PTPRQ: variants seen among roughly 807,000 people sequenced by gnomAD.
PTPRQ encodes the protein protein tyrosine phosphatase receptor type Q.
Under a neutral mutation model 246.0 loss-of-function variants are expected in PTPRQ, and 199 were observed. That is an observed-to-expected ratio of 0.81 (90% confidence interval 0.72 to 0.91). The LOEUF (loss-of-function observed/expected upper bound fraction) is 0.91. Among genes scored for constraint, PTPRQ ranks in the 40% least tolerant of loss-of-function variants. PTPRQ has a pLI of 0.00. For synonymous variants in PTPRQ, 869 were observed against 853.2 expected (o/e 1.02, Z -0.32); for missense variants, 2,624 against 2,528.4 (o/e 1.04, Z -0.81).
At chr12:80,501,610 AG>A (rs1173564995) in intron 14 of PTPRQ, among the ~76,000 whole-genome samples, 1 of 151,994 alleles carries the variant, frequency 6.6e-6, no homozygotes, top group Non-Finnish European at 1.5e-5. Context: ...ACTGGACAAC[AG>A]GGGGAGACGT....
At chr12:80,517,432 G>A (rs1895338855) in intron 17 of PTPRQ, among the ~76,000 whole-genome samples, 1 of 151,976 alleles carries the variant, frequency 6.6e-6, no homozygotes, top group African/African-American at 2.4e-5. Flanking sequence ...TTTGATACAA[G>A]CGTGTAACAA....
chr12:80,605,110 G>T lies in PTPRQ; in HGVS notation c.4661G>T (p.Ser1554Ile), dbSNP rs1231771075. The part of the protein sequence containing the change: ...NVHVVATSPF[S>I]ISISWSEPAV... ...CATGTAGTAGCAACATCACCTTTTA[G>T]CATCAGCATAAGCTGGAGTGAACCT... Residue 1554 changes from serine (S) to isoleucine (I), a missense_variant, in exon 27 of 45, where the codon AGC becomes ATC. By Grantham distance (142) the Ser-to-Ile change is moderately radical (BLOSUM62 -2). Coordinates refer to ENST00000644991, the MANE Select transcript of PTPRQ (RefSeq NM_001145026.2). 3.2e-6 allele frequency: 5 copies of T among 1,545,358 alleles called. No homozygotes were observed. Among genetic ancestry groups the T allele is most frequent in the Non-Finnish European group, 4.4e-6 (5 of 1,143,216 alleles).
chr12:80,530,195 T>C (rs1197412769), intron 17 of PTPRQ, among the ~76,000 whole-genome samples: 1 of 152,214 alleles, frequency 6.6e-6, no homozygotes, highest in African/African-American at 2.4e-5. Flanking sequence ...ATTCTCTTTT[T>C]TTATACTGTG....
intron 4 of PTPRQ, among the ~76,000 whole-genome samples, chr12:80,458,424 T>C (rs976447978): frequency 2.6e-5 from 4 of 152,180 alleles, no homozygotes; most frequent in African/African-American, 7.2e-5. Flanking sequence ...CTAACTTTCT[T>C]ATGTAATTTA....
intron 4 of PTPRQ, among the ~76,000 whole-genome samples, chr12:80,458,194 C>T (rs888065414): frequency 3.9e-5 from 6 of 152,180 alleles, no homozygotes; most frequent in Non-Finnish European, 8.8e-5. Context: ...CTTGATGTCA[C>T]CTGTGGCTCT....
intron 8 of PTPRQ, among the ~76,000 whole-genome samples, chr12:80,473,888 C>T (rs1893730843): frequency 1.3e-5 from 2 of 152,224 alleles, no homozygotes; most frequent in South Asian, 4.1e-4. Flanking sequence ...CTGTTATCTT[C>T]CTGAGTCACT....
At chr12:80,466,498 A>G (rs1893419794) in intron 6 of PTPRQ, among the ~76,000 whole-genome samples, 1 of 152,336 alleles carries the variant, frequency 6.6e-6, no homozygotes, top group East Asian at 1.9e-4. Context: ...CAGAATTGGA[A>G]AAAACTACTT....
In PTPRQ at chr12:80,597,225, A is replaced by G. The variant is rs139190524; in HGVS notation, c.4610-7834A>G. On this transcript the variant is annotated intron_variant, in intron 26 of 44. Coordinates refer to ENST00000644991, the MANE Select transcript of PTPRQ (RefSeq NM_001145026.2). ...GATATCCTAGATATTTTTTACCCCAATTATGCCTGCATACAAATGAACAGG... is the reference window on the plus strand; with the variant it reads ...GATATCCTAGATATTTTTTACCCCAGTTATGCCTGCATACAAATGAACAGG... 1.7e-3 allele frequency among the ~76,000 whole-genome samples: 265 copies of G among 152,032 alleles called. 3 individuals are homozygous for G. The highest frequency in any genetic ancestry group is 6.2e-3 in the African/African-American group (259 of 41,520).
chr12:80,566,589 A>G (rs779048370), intron 25 of PTPRQ, among the ~76,000 whole-genome samples: 1 of 152,080 alleles, frequency 6.6e-6, no homozygotes, highest in Non-Finnish European at 1.5e-5. Flanking sequence ...CACAGGCTGG[A>G]TATGCAGTGG....
chr12:80,679,337 T>C lies in PTPRQ; in HGVS notation c.*314T>C, dbSNP rs1901246342. On this transcript the variant is annotated 3_prime_UTR_variant, in exon 45 of 45. Coordinates refer to ENST00000644991, the MANE Select transcript of PTPRQ (RefSeq NM_001145026.2). The stretch of plus-strand genomic sequence containing the variant: ...TTATTATTATATTAGCATTAATGTT[T>C]CAATGTGAATTTTCCCTATGTATTG... 5.1e-6 allele frequency: 1 copy of C among 197,972 alleles called. No individual in the cohort carries two copies. Among genetic ancestry groups the C allele is most frequent in the African/African-American group, 2.3e-5 (1 of 43,234 alleles). 12.3% of individuals were successfully genotyped at this position (197,972 alleles called of 1,614,324 possible). A position where few individuals can be genotyped will look rare whatever the true frequency, so the allele number is the denominator to read the frequency against.
chr12:80,466,543 T>C (rs371019422), intron 6 of PTPRQ, among the ~76,000 whole-genome samples: 1 of 152,208 alleles, frequency 6.6e-6, no homozygotes, highest in African/African-American at 2.4e-5. Flanking sequence ...GAGCCCGCAT[T>C]GCCAAGTCAA....
chr12:80,506,293 T>A, intron 15 of PTPRQ, 87 bp downstream of exon 15: 1 of 1,318,338 alleles, frequency 7.6e-7, no homozygotes, highest in Non-Finnish European at 1.0e-6. Flanking sequence ...AGTTTCAGAT[T>A]ATTTTCATGC....
intron 23 of PTPRQ, among the ~76,000 whole-genome samples, chr12:80,545,639 T>C (rs1386390706): frequency 6.6e-6 from 1 of 151,652 alleles, no homozygotes; most frequent in Non-Finnish European, 1.5e-5. Context: ...TACTCTTTTG[T>C]TCCTTTTCTC....
chr12:80,516,383 T>C (rs1487098713), intron 17 of PTPRQ, among the ~76,000 whole-genome samples: 1 of 152,214 alleles, frequency 6.6e-6, no homozygotes, highest in Non-Finnish European at 1.5e-5. Flanking sequence ...TCTGAAATGT[T>C]TCTCAATTTT....
intron 8 of PTPRQ, among the ~76,000 whole-genome samples, chr12:80,473,045 A>ACACACACGCG (rs1555185233): frequency 7.6e-4 from 70 of 92,336 alleles, no homozygotes; most frequent in African/African-American, 2.0e-3. Flanking sequence ...ACTCACACAC[A>ACACACACGCG]CGCACACACA....
chr12:80,479,156 C>G (rs1285667212), intron 8 of PTPRQ, among the ~76,000 whole-genome samples: 4 of 151,626 alleles, frequency 2.6e-5, no homozygotes, highest in African/African-American at 9.7e-5. Flanking sequence ...AAGGGAAGCC[C>G]ATCAGACTAA....
At position 80,445,731 on chromosome 12, in the gene PTPRQ, G is replaced by A. The variant is rs1892534169; in HGVS notation, c.390+14G>A. The stretch of plus-strand genomic sequence containing the variant: ...TATGAAATTAAGGTAATTATTTTGT[G>A]TATGACTACTTAGTGTTCAAACATT... On this transcript the variant is annotated intron_variant, in intron 3 of 44. Transcript: ENST00000644991. The A allele has an allele frequency of 7.0e-7, 1 of 1,437,392 alleles. No homozygotes were observed. The highest frequency in any genetic ancestry group is 1.2e-5 in the South Asian group (1 of 81,602). The allele number at this position is 1,437,392 out of a possible 1,614,324, so 89.0% of individuals were successfully genotyped here. A position where few individuals can be genotyped will look rare whatever the true frequency, so the allele number is the denominator to read the frequency against.
chr12:80,472,215 C>G lies in PTPRQ; in HGVS notation c.1150C>G (p.Pro384Ala), dbSNP rs1223179419. 1.3e-6 allele frequency: 2 copies of G among 1,551,258 alleles called. No individual in the cohort carries two copies. The highest frequency in any genetic ancestry group is 1.7e-6 in the Non-Finnish European group (2 of 1,146,824). ...IAAETSAGTG[P>A]KSNISVFTPP... ...GGCTGAAACCAGTGCAGGGACTGGG[C>G]CCAAGTCAAATATTTCAGTATTCAC... The change falls in exon 8 of 45, where the codon CCC (proline) becomes GCC (alanine). Residue 384 changes from proline to alanine, a missense_variant. Pro to Ala is a conservative substitution (Grantham distance 27, BLOSUM62 -1). Transcript: ENST00000644991.
At chr12:80,527,221 G>A (rs1200853742) in intron 17 of PTPRQ, among the ~76,000 whole-genome samples, 2 of 151,950 alleles carry the variant, frequency 1.3e-5, no homozygotes, top group African/African-American at 4.8e-5. Flanking sequence ...AAAATTTCCA[G>A]TAGAAAAATG....
Sources: allele counts gnomAD v4.1 joint callset (sites outside exome capture counted in the v4.1 genomes callset), GRCh38; gene constraint gnomAD v4.1.1; transcripts MANE v1.5; gene names NCBI Gene and HGNC (gene_info 2026-07-23, HGNC 2026-07-21).